Variants in HS6ST3 observed in about 807,000 individuals in gnomAD.
The protein encoded by HS6ST3 is heparan sulfate 6-O-sulfotransferase 3, also known as heparan-sulfate 6-O-sulfotransferase 3.
In HS6ST3, 12 loss-of-function variants were observed where a neutral mutation model predicts 36.7. That is an observed-to-expected ratio of 0.33 (90% confidence interval 0.21 to 0.53). The LOEUF (loss-of-function observed/expected upper bound fraction) is 0.53, where lower values mean the gene tolerates loss of function less well. HS6ST3 is among the 20% of genes least tolerant of loss of function. The probability of loss-of-function intolerance (pLI) is 0.95; values close to 1 mark genes in which losing one functional copy is unlikely to be tolerated. For synonymous variants in HS6ST3, 240 were observed against 257.5 expected, an observed-to-expected ratio of 0.93 and a Z score of 0.65; for missense variants, 584 against 640.9, an observed-to-expected ratio of 0.91 and a Z score of 0.96.
At chr13:96,517,727 T>C (rs908125891) in intron 1 of HS6ST3, among the ~76,000 whole-genome samples, 1 of 152,108 alleles carries the variant, frequency 6.6e-6, no homozygotes, top group African/African-American at 2.4e-5. Context: ...CAAATGTTAT[T>C]TTTTTCTGCT....
intron 1 of HS6ST3, among the ~76,000 whole-genome samples, chr13:96,568,284 T>G (rs931834700): frequency 3.3e-5 from 5 of 152,110 alleles, no homozygotes; most frequent in African/African-American, 1.2e-4. Flanking sequence ...AATCTTTTTT[T>G]GAGACAGAGT....
intron 1 of HS6ST3, among the ~76,000 whole-genome samples, chr13:96,472,940 G>A (rs1366053855): frequency 2.0e-5 from 3 of 152,134 alleles, no homozygotes; most frequent in Non-Finnish European, 4.4e-5. Context: ...TTATGAGGTG[G>A]TAGCCCTTAA....
intron 1 of HS6ST3, among the ~76,000 whole-genome samples, chr13:96,549,892 C>T (rs765525857): frequency 1.3e-5 from 2 of 152,084 alleles, no homozygotes; most frequent in South Asian, 2.1e-4. Context: ...TCTTCTCTGA[C>T]TTCAGCAGGC....
intron 1 of HS6ST3, among the ~76,000 whole-genome samples, chr13:96,707,105 G>T (rs1875446695): frequency 6.6e-6 from 1 of 151,986 alleles, no homozygotes; most frequent in African/African-American, 2.4e-5. Context: ...GAATTTTTTT[G>T]TCCTCCCAGA....
At chr13:96,566,297 T>G (rs2056281147) in intron 1 of HS6ST3, among the ~76,000 whole-genome samples, 1 of 152,212 alleles carries the variant, frequency 6.6e-6, no homozygotes, top group African/African-American at 2.4e-5. Context: ...ACTAATAATT[T>G]TTTTAGAACT....
chr13:96,475,381 G>C (rs757835355), intron 1 of HS6ST3, among the ~76,000 whole-genome samples: 129 of 152,198 alleles, frequency 8.5e-4, no homozygotes, highest in Non-Finnish European at 1.4e-3. Context: ...TTCCAGGAAT[G>C]CACATTTTCC....
At chr13:96,732,357 G>A (rs1876177431) in intron 1 of HS6ST3, among the ~76,000 whole-genome samples, 1 of 151,986 alleles carries the variant, frequency 6.6e-6, no homozygotes, top group Non-Finnish European at 1.5e-5. Context: ...TGTATATGGT[G>A]TGATATAAGG....
intron 1 of HS6ST3, among the ~76,000 whole-genome samples, chr13:96,514,612 G>A (rs375404142): frequency 2.6e-5 from 4 of 152,140 alleles, no homozygotes; most frequent in African/African-American, 7.2e-5. Flanking sequence ...CTGCCGACAC[G>A]CCAAGAGAAG....
intron 1 of HS6ST3, among the ~76,000 whole-genome samples, chr13:96,605,826 A>G (rs1257602799): frequency 6.6e-6 from 1 of 151,882 alleles, no homozygotes; most frequent in East Asian, 1.9e-4. Flanking sequence ...GAAAATATTC[A>G]CAAGCTATGC....
intron 1 of HS6ST3, among the ~76,000 whole-genome samples, chr13:96,756,396 G>A (rs184539483): frequency 1.2e-4 from 19 of 152,076 alleles, no homozygotes; most frequent in Admixed American, 9.8e-4. Flanking sequence ...TTTATACTTA[G>A]TGTCTCTTGA....
intron 1 of HS6ST3, among the ~76,000 whole-genome samples, chr13:96,425,336 T>C (rs2055581360): frequency 6.6e-6 from 1 of 152,234 alleles, no homozygotes. Flanking sequence ...TGCTCTTTTT[T>C]TTTGAATTAA....
At chr13:96,570,620 G>A (rs76955698) in intron 1 of HS6ST3, among the ~76,000 whole-genome samples, 1 of 152,302 alleles carries the variant, frequency 6.6e-6, no homozygotes, top group African/African-American at 2.4e-5. Context: ...TCCCACTGTG[G>A]TTCATTCTAG....
chr13:96,484,936 C>G (rs560704845), intron 1 of HS6ST3, among the ~76,000 whole-genome samples: 15 of 152,080 alleles, frequency 9.9e-5, no homozygotes, highest in Non-Finnish European at 1.9e-4. Flanking sequence ...ATGGCTGTAC[C>G]AGTTTGCATT....
At chr13:96,264,835 G>A (rs1274356102) in intron 1 of HS6ST3, among the ~76,000 whole-genome samples, 2 of 152,154 alleles carry the variant, frequency 1.3e-5, no homozygotes, top group Admixed American at 6.6e-5. Flanking sequence ...AGTGTTATAA[G>A]TTGACATTTC....
intron 1 of HS6ST3, among the ~76,000 whole-genome samples, chr13:96,439,141 G>C (rs1444188105): frequency 6.6e-6 from 1 of 152,130 alleles, no homozygotes; most frequent in East Asian, 1.9e-4. Flanking sequence ...TTATATTTGA[G>C]TGTGGGCCAC....
At chr13:96,310,518 GA>G (rs1201110760) in intron 1 of HS6ST3, among the ~76,000 whole-genome samples, 1 of 152,154 alleles carries the variant, frequency 6.6e-6, no homozygotes, top group Non-Finnish European at 1.5e-5. Flanking sequence ...AAAAGAATGG[GA>G]GATGCCCATA....
chr13:96,382,616 C>T (rs1014847256), intron 1 of HS6ST3, among the ~76,000 whole-genome samples: 1 of 152,092 alleles, frequency 6.6e-6, no homozygotes, highest in Non-Finnish European at 1.5e-5. Context: ...AATAATATAA[C>T]AAACATAATT....
At chr13:96,327,207 GC>G (rs1566325762) in intron 1 of HS6ST3, among the ~76,000 whole-genome samples, 1 of 151,376 alleles carries the variant, frequency 6.6e-6, no homozygotes, top group African/African-American at 2.4e-5. Flanking sequence ...GTCAATTCTG[GC>G]TTTTGTTGCC....
intron 1 of HS6ST3, among the ~76,000 whole-genome samples, chr13:96,121,650 G>A (rs2053925878): frequency 6.6e-6 from 1 of 152,212 alleles, no homozygotes; most frequent in African/African-American, 2.4e-5. Flanking sequence ...GTGGTTATAA[G>A]TAGGACATTA....
Sources: allele counts gnomAD v4.1 joint callset (sites outside exome capture counted in the v4.1 genomes callset), GRCh38; gene constraint gnomAD v4.1.1; transcripts MANE v1.5; gene names NCBI Gene and HGNC (gene_info 2026-07-23, HGNC 2026-07-21).